HSPA12A: variants seen among roughly 807,000 people sequenced by gnomAD.
The protein encoded by HSPA12A is heat shock protein family A (Hsp70) member 12A.
In HSPA12A, 28 loss-of-function variants were observed where a neutral mutation model predicts 69.2. The observed-to-expected ratio is 0.40, with a 90% CI of 0.30 to 0.55. The LOEUF (loss-of-function observed/expected upper bound fraction) is 0.55. Ranked by LOEUF, HSPA12A falls within the 20% of genes least tolerant of loss-of-function variation. HSPA12A has a pLI of 0.38. For missense variants in HSPA12A, 686 were observed against 900.7 expected (o/e 0.76, Z 3.05); for synonymous variants, 345 against 370.5 (o/e 0.93, Z 0.79).
chr10:116,780,354 T>C (rs1390571659), intron 2 of HSPA12A, among the ~76,000 whole-genome samples: 2 of 151,456 alleles, frequency 1.3e-5, no homozygotes. Context: ...TATTATATAA[T>C]AATTATTATT....
chr10:116,800,581 G>A (rs1163491239), intron 2 of HSPA12A, among the ~76,000 whole-genome samples: 1 of 152,192 alleles, frequency 6.6e-6, no homozygotes, highest in African/African-American at 2.4e-5. Context: ...CTCACTGGGA[G>A]TCTCTGTTTT....
chr10:116,705,339 A>C lies in HSPA12A; in HGVS notation c.127-61T>G, dbSNP rs1589645821. ...GGGTGGGCCTGGCTTTCAGGAAGAC[A>C]CCCCTGGGGGGTCTCACCTTGCCTA... On this transcript the variant is annotated intron_variant, in intron 2 of 11. Transcript: ENST00000369209. 9 of 1,586,428 alleles carry C rather than the reference A, an allele frequency of 5.7e-6. No homozygotes were observed. In the Middle Eastern group the frequency reaches 5.2e-4, roughly 91 times the overall value.
In HSPA12A at chr10:116,707,190, C is replaced by A. The variant is rs782438760; in HGVS notation, c.126+10G>T. 4 of 1,563,600 alleles carry A rather than the reference C, an allele frequency of 2.6e-6. No individual in the cohort carries two copies. Among genetic ancestry groups the A allele is most frequent in the Non-Finnish European group, 2.6e-6 (3 of 1,143,230 alleles). Reference sequence around the variant, plus strand: ...ACACACACACACACACACACACACACACTTCTTACCACAATATGGGAGGGG... The same window carrying A: ...ACACACACACACACACACACACACAAACTTCTTACCACAATATGGGAGGGG... On this transcript the variant is annotated intron_variant, in intron 2 of 11. Transcript: ENST00000369209.
At chr10:116,814,222 AGAT>A (rs1162914749) in intron 2 of HSPA12A, among the ~76,000 whole-genome samples, 1 of 152,248 alleles carries the variant, frequency 6.6e-6, no homozygotes, top group Non-Finnish European at 1.5e-5. Flanking sequence ...AGAGCAGAAA[AGAT>A]CACTGAATCA....
intron 2 of HSPA12A, among the ~76,000 whole-genome samples, chr10:116,804,161 C>T (rs1589716453): frequency 6.6e-6 from 1 of 152,122 alleles, no homozygotes; most frequent in Admixed American, 6.5e-5. Context: ...TCCAAAAAAA[C>T]GATGCACGCA....
chr10:116,751,261 A>T (rs983479232), intron 2 of HSPA12A: 28 of 196,642 alleles, frequency 1.4e-4, no homozygotes, highest in Non-Finnish European at 2.8e-4. Flanking sequence ...GGCTGCTGAG[A>T]GCTAAACCAA....
intron 2 of HSPA12A, among the ~76,000 whole-genome samples, chr10:116,757,998 AT>A (rs1215975013): frequency 6.6e-6 from 1 of 152,168 alleles, no homozygotes; most frequent in African/African-American, 2.4e-5. Flanking sequence ...CAAGTGACTT[AT>A]TTTTTTCTTC....
intron 2 of HSPA12A, 134 bp from the exon 3 acceptor site, chr10:116,705,412 G>A (rs1850213202): frequency 9.2e-7 from 1 of 1,092,488 alleles, no homozygotes; most frequent in South Asian, 1.4e-5. Flanking sequence ...TCCAGCTCAA[G>A]TCTACCACCT....
intron 2 of HSPA12A, among the ~76,000 whole-genome samples, chr10:116,773,996 C>T (rs1206203585): frequency 2.0e-5 from 3 of 152,012 alleles, no homozygotes; most frequent in African/African-American, 7.2e-5. Flanking sequence ...GGTGGGGGAA[C>T]CTGCTCTGTG....
chr10:116,711,331 C>T (rs1048329454), intron 1 of HSPA12A, among the ~76,000 whole-genome samples: 17 of 152,174 alleles, frequency 1.1e-4, no homozygotes, highest in African/African-American at 3.6e-4. Context: ...AAGTCAACAC[C>T]TCGACACAAA....
chr10:116,824,416 G>A (rs972426706), intron 2 of HSPA12A, among the ~76,000 whole-genome samples: 1 of 152,100 alleles, frequency 6.6e-6, no homozygotes, highest in African/African-American at 2.4e-5. Flanking sequence ...ATACCCAAGA[G>A]AAGCGAAAAA....
chr10:116,778,333 C>G (rs1393607334), intron 2 of HSPA12A, among the ~76,000 whole-genome samples: 1 of 152,142 alleles, frequency 6.6e-6, no homozygotes, highest in African/African-American at 2.4e-5. Flanking sequence ...ACTGACTATT[C>G]CCCCCAAAAC....
upstream of HSPA12A, chr10:116,849,774 C>G: frequency 6.8e-7 from 1 of 1,465,976 alleles, no homozygotes; most frequent in Non-Finnish European, 9.1e-7. Context: ...CAACCCCTCT[C>G]CCCCCGCCCC....
In HSPA12A at chr10:116,758,917, A is replaced by T. The variant is rs570120810; in HGVS notation, c.92-51632T>A. On this transcript the variant is annotated intron_variant, in intron 2 of 12. Coordinates refer to the HSPA12A transcript ENST00000635765. ...GGCTGATTCTAGATCCTGGTTCCTG[A>T]CAACAGAATCCTGGAAGTTCAAGGT... Among the ~76,000 whole-genome samples, 4 of 152,286 alleles carry T rather than the reference A, an allele frequency of 2.6e-5. No homozygotes were observed. The East Asian group carries it at 7.8e-4, about 30-fold the overall frequency.
intron 2 of HSPA12A, chr10:116,831,997 C>A (rs1845624634): frequency 6.6e-6 from 1 of 151,944 alleles, no homozygotes; most frequent in African/African-American, 2.4e-5. Context: ...GGCGTCAGAA[C>A]CAGAAATAGA....
intron 1 of HSPA12A, among the ~76,000 whole-genome samples, chr10:116,839,718 A>T (rs1026234384): frequency 4.6e-5 from 7 of 152,100 alleles, no homozygotes; most frequent in Non-Finnish European, 8.8e-5. Context: ...TTTGAAAGCA[A>T]GGTGAGTCTA....
Position 116,723,205 on chromosome 10 carries a change from A to T in HSPA12A, c.41-15920T>A, listed in dbSNP as rs1292166459. On this transcript the variant is annotated intron_variant, in intron 1 of 11. Coordinates refer to ENST00000369209, the MANE Select transcript of HSPA12A (RefSeq NM_025015.3). This position sits in a 1 kb window ranked among gnomAD's most constrained non-coding sequence, Gnocchi z 4.1. ...CAGATACCTCCATTACCCCCTAACC[A>T]TTGCCCCCCCATCATTCCTGTCCTC... Among the ~76,000 whole-genome samples the T allele has an allele frequency of 4.7e-5, 7 of 149,554 alleles. No individual in the cohort carries two copies. The highest frequency in any genetic ancestry group is 4.6e-4 in the Admixed American group (7 of 15,058).
At chr10:116,849,919 C>T, upstream of HSPA12A, 1 of 751,876 alleles carries the variant, frequency 1.3e-6, no homozygotes, top group East Asian at 2.7e-5. Context: ...GTGAAGGGAT[C>T]TCCCCAGAGA....
chr10:116,702,361 C>T (rs1295977394), intron 3 of HSPA12A, among the ~76,000 whole-genome samples: 3 of 152,134 alleles, frequency 2.0e-5, no homozygotes, highest in Non-Finnish European at 4.4e-5. Flanking sequence ...GGAAAATGAG[C>T]CACTTTCCTC....
Sources: allele counts gnomAD v4.1 joint callset (sites outside exome capture counted in the v4.1 genomes callset), GRCh38; gene constraint gnomAD v4.1.1; non-coding constraint Gnocchi (gnomAD v3.1); transcripts MANE v1.5; gene names NCBI Gene and HGNC (gene_info 2026-07-23, HGNC 2026-07-21).